MTUS2: variants seen among roughly 807,000 people sequenced by gnomAD.
The protein encoded by MTUS2 is microtubule-associated tumor suppressor candidate 2.
In MTUS2, 40 loss-of-function variants were observed where a neutral mutation model predicts 114.1. The ratio of observed to expected loss-of-function variants is 0.35; its 90% CI spans 0.27 to 0.46. MTUS2 has a LOEUF of 0.46. Among genes scored for constraint, MTUS2 ranks in the 20% least tolerant of loss-of-function variants. MTUS2 has a pLI of 1.00. For missense variants in MTUS2, 1,679 were observed against 1,705.4 expected, an observed-to-expected ratio of 0.98 and a Z score of 0.27; for synonymous variants, 688 against 672.0, an observed-to-expected ratio of 1.02 and a Z score of -0.37.
chr13:29,282,167 C>T (rs1197886821), intron 6 of MTUS2, among the ~76,000 whole-genome samples: 1 of 152,224 alleles, frequency 6.6e-6, no homozygotes, highest in Non-Finnish European at 1.5e-5. Context: ...TGGGTGCTGA[C>T]GATATCATCG....
intron 2 of MTUS2, among the ~76,000 whole-genome samples, chr13:28,855,187 G>GT (rs375329570): frequency 0.012 from 1,807 of 148,898 alleles, 15 homozygotes; most frequent in Middle Eastern, 0.021. Flanking sequence ...TCACTGGAAG[G>GT]TTTTTTTTTT....
At chr13:29,085,254 T>C (rs536948850) in intron 4 of MTUS2, among the ~76,000 whole-genome samples, 1 of 152,332 alleles carries the variant, frequency 6.6e-6, no homozygotes, top group Admixed American at 6.5e-5. Flanking sequence ...CTTTTCTTTT[T>C]CTTTTATTTA....
At chr13:28,988,076 A>G (rs987926118) in intron 2 of MTUS2, among the ~76,000 whole-genome samples, 21 of 152,230 alleles carry the variant, frequency 1.4e-4, no homozygotes, top group Non-Finnish European at 2.9e-4. Flanking sequence ...TGAAAAAGTG[A>G]TCTCATTTTA....
rs144644489 is a variant in MTUS2, at chr13:29,209,460, A to C, written c.2645-72244A>C. ...TGAGATGTGAGGTACTATTCTATTC[A>C]TCATGTTGGTTGTTGCCTGAATACC... is the stretch of plus-strand genomic sequence containing the variant. On this transcript the variant is annotated intron_variant, in intron 5 of 15. Transcript: ENST00000612955. Among the ~76,000 whole-genome samples the C allele has an allele frequency of 5.2e-3, 779 of 149,266 alleles. 6 individuals are homozygous for C. Among genetic ancestry groups the C allele is most frequent in the African/African-American group, 0.018 (717 of 40,766 alleles).
rs1361001397 is a variant in MTUS2, at chr13:29,025,434, C to T, written c.736C>T (p.Pro246Ser). Residue 246 changes from proline (P) to serine (S), a missense_variant, in exon 3 of 16, where the codon CCA (proline) becomes TCA (serine). Around this residue, in one of 3 missense-constraint regions of MTUS2, gnomAD observed 843 missense variants for 770.8 expected, o/e 1.09. Coordinates refer to ENST00000612955, the MANE Select transcript of MTUS2 (RefSeq NM_001033602.4). ...GGGAAAGAGTGTGCGTCATCCTAAA[C>T]CATCTACCTCAGAAAGCAAGCAGAG... is the stretch of plus-strand genomic sequence containing the variant. ...SEGKSVRHPK[P>S]STSESKQSTP... 3.7e-6 allele frequency: 6 copies of T among 1,612,184 alleles called. No individual in the cohort carries two copies. The highest frequency in any genetic ancestry group is 2.2e-5 in the East Asian group (1 of 44,762).
Position 29,395,694 on chromosome 13 carries a change from A to G in MTUS2, c.3117+36221A>G, listed in dbSNP as rs1351940556. On this transcript the variant is annotated intron_variant, in intron 8 of 15. Transcript: ENST00000612955. ...AGTCCACTAGGCTTTGCTGGACTGC[A>G]ACTTAACAAACCCTTCTGGGGATCT... Among the ~76,000 whole-genome samples the G allele has an allele frequency of 2.6e-5, 4 of 152,238 alleles. No homozygotes were observed. The East Asian group carries it at 5.8e-4, about 22-fold the overall frequency.
chr13:29,450,892 T>C (rs149072488), intron 9 of MTUS2, among the ~76,000 whole-genome samples: 432 of 152,170 alleles, frequency 2.8e-3, no homozygotes, highest in African/African-American at 9.7e-3. Flanking sequence ...CAAAAAGACA[T>C]AACAATACCA....
At chr13:29,405,817 T>C (rs1029923957) in intron 8 of MTUS2, among the ~76,000 whole-genome samples, 2 of 150,504 alleles carry the variant, frequency 1.3e-5, no homozygotes, top group Non-Finnish European at 2.9e-5. Context: ...CTCGGCTCAC[T>C]GCAACCTCCG....
intron 2 of MTUS2, among the ~76,000 whole-genome samples, chr13:28,990,361 G>A (rs1188975823): frequency 1.3e-5 from 2 of 152,146 alleles, no homozygotes; most frequent in Non-Finnish European, 2.9e-5. Flanking sequence ...AAGAGTGAGA[G>A]GTGAAGCCAG....
At chr13:28,985,791 A>G (rs1322758999) in intron 2 of MTUS2, among the ~76,000 whole-genome samples, 1 of 152,144 alleles carries the variant, frequency 6.6e-6, no homozygotes, top group African/African-American at 2.4e-5. Flanking sequence ...TTGATCCTCC[A>G]TGATGTGGGT....
chr13:29,347,545 A>T (rs1173278543), intron 7 of MTUS2, among the ~76,000 whole-genome samples: 1 of 150,460 alleles, frequency 6.6e-6, no homozygotes, highest in East Asian at 1.9e-4. Flanking sequence ...AAAAAACCCT[A>T]TTCCTCTCCT....
At chr13:28,903,971 G>C (rs865878842) in intron 2 of MTUS2, among the ~76,000 whole-genome samples, 1 of 152,142 alleles carries the variant, frequency 6.6e-6, no homozygotes, top group South Asian at 2.1e-4. Flanking sequence ...GTGTGAGATG[G>C]TATCTCATTG....
In MTUS2 at chr13:29,115,293, G is replaced by T. The variant is rs751349767; in HGVS notation, c.2644+14323G>T. Among the ~76,000 whole-genome samples, 8 of 152,182 alleles carry T rather than the reference G, an allele frequency of 5.3e-5. No homozygotes were observed. The East Asian group carries it at 1.3e-3, about 26-fold the overall frequency. On this transcript the variant is annotated intron_variant, in intron 5 of 15. Transcript: ENST00000612955. ...TTATGCGGTTGAATATATGCAGGTC[G>T]TACATTTGTGAGACAGTTTTGGCTC...
rs766012323 is a variant in MTUS2, at chr13:29,026,218, C to A, written c.1520C>A (p.Ala507Asp). The A allele has an allele frequency of 6.2e-7, 1 of 1,613,988 alleles. No homozygotes were observed. Among genetic ancestry groups the A allele is most frequent in the East Asian group, 2.2e-5 (1 of 44,888 alleles). The change falls in exon 3 of 16, where the codon GCT becomes GAT. Residue 507 changes from alanine to aspartate, a missense_variant. Transcript: ENST00000612955. ...RESKEVTTSV[A>D]ENRNLLENAD... is the part of the protein sequence containing the mutation. Reference sequence around the variant, plus strand: ...AGCAAAGAGGTCACCACATCTGTTGCTGAAAACAGGAACCTTCTAGAGAAT... The same window carrying A: ...AGCAAAGAGGTCACCACATCTGTTGATGAAAACAGGAACCTTCTAGAGAAT...
intron 8 of MTUS2, among the ~76,000 whole-genome samples, chr13:29,394,291 A>G (rs1566177614): frequency 6.6e-6 from 1 of 152,174 alleles, no homozygotes; most frequent in Non-Finnish European, 1.5e-5. Context: ...GCAGACATCC[A>G]TCAATACCTG....
intron 2 of MTUS2, among the ~76,000 whole-genome samples, chr13:28,992,063 G>A (rs1284207390): frequency 6.6e-6 from 1 of 152,198 alleles, no homozygotes; most frequent in Non-Finnish European, 1.5e-5. Context: ...GTGGGCCTGG[G>A]AAATTTACTT....
chr13:29,137,474 G>GTGTAT (rs1465349169), intron 5 of MTUS2, among the ~76,000 whole-genome samples: 2 of 151,964 alleles, frequency 1.3e-5, no homozygotes, highest in Admixed American at 6.6e-5. Context: ...GACTACCGCA[G>GTGTAT]TGTATTGCTG....
chr13:29,063,534 G>A (rs967167840), intron 4 of MTUS2, among the ~76,000 whole-genome samples: 3 of 152,118 alleles, frequency 2.0e-5, no homozygotes, highest in African/African-American at 7.2e-5. Context: ...GTTTTGTTAT[G>A]AATTCTGCTT....
At chr13:29,229,519 T>C (rs1896242523) in intron 5 of MTUS2, among the ~76,000 whole-genome samples, 1 of 152,250 alleles carries the variant, frequency 6.6e-6, no homozygotes, top group African/African-American at 2.4e-5. Flanking sequence ...ATGTGTTTCA[T>C]GTTGCTTTAA....
Sources: allele counts gnomAD v4.1 joint callset (sites outside exome capture counted in the v4.1 genomes callset), GRCh38; gene constraint gnomAD v4.1.1; regional missense constraint gnomAD v4.1.1; transcripts MANE v1.5; gene names NCBI Gene and HGNC (gene_info 2026-07-23, HGNC 2026-07-21).